RABGAP1L: variants seen among roughly 807,000 people sequenced by gnomAD.
RABGAP1L encodes the protein rab GTPase-activating protein 1-like.
A neutral mutation model predicts 137.7 loss-of-function variants in RABGAP1L; 63 were observed. The observed-to-expected ratio is 0.46, with a 90% CI of 0.37 to 0.56. RABGAP1L has a LOEUF of 0.56. Ranked by LOEUF, RABGAP1L falls within the 20% of genes least tolerant of loss-of-function variation. The pLI, the probability that RABGAP1L is intolerant of heterozygous loss-of-function variation, is 0.00. For missense variants in RABGAP1L, 1,095 were observed against 1,244.0 expected (o/e 0.88, Z 1.80); for synonymous variants, 431 against 433.7 (o/e 0.99, Z 0.08).
At chr1:174,483,758 T>C (rs1160999642) in intron 13 of RABGAP1L, among the ~76,000 whole-genome samples, 1 of 150,832 alleles carries the variant, frequency 6.6e-6, no homozygotes, top group Admixed American at 6.7e-5. Flanking sequence ...ATTCATAAGG[T>C]GGAGGTTCTA....
At chr1:174,985,325 T>G (rs545564623) in intron 24 of RABGAP1L, among the ~76,000 whole-genome samples, 3 of 152,312 alleles carry the variant, frequency 2.0e-5, no homozygotes, top group Admixed American at 2.0e-4. Context: ...CCCAGGAGGC[T>G]GAAGCTGCAG....
At chr1:174,958,316 T>G in intron 20 of RABGAP1L, 3 of 781,024 alleles carry the variant, frequency 3.8e-6, no homozygotes, top group Non-Finnish European at 5.3e-6. Context: ...TGTGAATCTC[T>G]TCAATGGTAA....
chr1:174,877,626 T>G (rs1558180250), intron 19 of RABGAP1L: 1 of 1,603,728 alleles, frequency 6.2e-7, no homozygotes, highest in Admixed American at 1.7e-5. Flanking sequence ...CCTTGCACAC[T>G]ACTCTGGTTC....
At chr1:174,168,916 T>C (rs1665126962) in intron 1 of RABGAP1L, among the ~76,000 whole-genome samples, 1 of 152,218 alleles carries the variant, frequency 6.6e-6, no homozygotes, top group Admixed American at 6.5e-5. Flanking sequence ...GATTCTTACA[T>C]GTATAGATGT....
chr1:174,495,006 C>G (rs1394950457), intron 13 of RABGAP1L, among the ~76,000 whole-genome samples: 1 of 152,058 alleles, frequency 6.6e-6, no homozygotes, highest in Non-Finnish European at 1.5e-5. Flanking sequence ...AGCATTGACC[C>G]CCTTATCAAT....
intron 13 of RABGAP1L, among the ~76,000 whole-genome samples, chr1:174,483,948 G>A (rs1179132659): frequency 6.6e-6 from 1 of 152,224 alleles, no homozygotes; most frequent in Middle Eastern, 3.4e-3. Flanking sequence ...GGATCATATG[G>A]TAGCTCTATT....
chr1:174,783,017 G>A (rs1687137268), intron 18 of RABGAP1L, among the ~76,000 whole-genome samples: 1 of 152,082 alleles, frequency 6.6e-6, no homozygotes, highest in Middle Eastern at 3.2e-3. Flanking sequence ...TCTTGCAACT[G>A]CACACTCTTT....
rs772022782 is a variant in RABGAP1L, at chr1:174,183,867, C to CTT, written c.-34+24225_-34+24226dup. ...AGAATATACAGCCCTTTCAGATTGG[C>CTT]TTTTTTTTTTTTTTTTGAGATGGAG... On this transcript the variant is annotated intron_variant, in intron 1 of 25. Transcript: ENST00000681986. Among the ~76,000 whole-genome samples the CTT allele has an allele frequency of 5.1e-4, 67 of 130,528 alleles. 8 individuals are homozygous for CTT. Among genetic ancestry groups the CTT allele is most frequent in the Non-Finnish European group, 7.9e-4 (49 of 61,966 alleles). The allele number at this position is 130,528 out of a possible 152,430, so 85.6% of individuals were successfully genotyped here.
intron 13 of RABGAP1L, among the ~76,000 whole-genome samples, chr1:174,419,346 G>A (rs1650986973): frequency 6.6e-6 from 1 of 152,138 alleles, no homozygotes; most frequent in African/African-American, 2.4e-5. Flanking sequence ...CTACTAGTTA[G>A]GGATCTCACT....
chr1:174,769,727 C>T (rs2148725194), intron 18 of RABGAP1L, among the ~76,000 whole-genome samples: 1 of 152,212 alleles, frequency 6.6e-6, no homozygotes, highest in South Asian at 2.1e-4. Context: ...GTGGTGGGCG[C>T]CTGTAGTCCC....
intron 13 of RABGAP1L, among the ~76,000 whole-genome samples, chr1:174,559,537 CT>C (rs1667078947): frequency 6.6e-6 from 1 of 152,122 alleles, no homozygotes; most frequent in Non-Finnish European, 1.5e-5. Context: ...GAAATATTAC[CT>C]TTTTAAAATA....
chr1:174,954,509 T>C (rs773013033), intron 19 of RABGAP1L, among the ~76,000 whole-genome samples: 4 of 152,174 alleles, frequency 2.6e-5, no homozygotes, highest in Non-Finnish European at 5.9e-5. Flanking sequence ...TAAAAGGACA[T>C]TTTTTTCTCT....
At chr1:174,636,736 T>C (rs1468626284) in intron 13 of RABGAP1L, among the ~76,000 whole-genome samples, 1 of 152,142 alleles carries the variant, frequency 6.6e-6, no homozygotes. Context: ...TCTACTATTG[T>C]TTGGAGTATG....
chr1:174,295,176 C>G (rs1209471221), intron 10 of RABGAP1L, among the ~76,000 whole-genome samples: 1 of 151,466 alleles, frequency 6.6e-6, no homozygotes, highest in Non-Finnish European at 1.5e-5. Context: ...CTTGGCCTCC[C>G]AAAATGCTGG....
At chr1:174,230,161 A>G (rs1167687412) in intron 3 of RABGAP1L, among the ~76,000 whole-genome samples, 1 of 149,790 alleles carries the variant, frequency 6.7e-6, no homozygotes, top group Non-Finnish European at 1.5e-5. Flanking sequence ...AAAACCAAAC[A>G]CCGCATGTTC....
rs372063558 is a variant in RABGAP1L, at chr1:174,555,551, T to C, written c.1711-81824T>C. Among the ~76,000 whole-genome samples the C allele has an allele frequency of 5.9e-5, 9 of 152,022 alleles. No individual in the cohort carries two copies. The South Asian group carries it at 1.7e-3, about 28-fold the overall frequency. ...GTATGTCCCCCCCCCAAAAAAAATG[T>C]ATGTTCCCTTTCTTTAATGTTTACT... On this transcript the variant is annotated intron_variant, in intron 13 of 25. Coordinates refer to ENST00000681986, the MANE Select transcript of RABGAP1L (RefSeq NM_001366446.1).
intron 19 of RABGAP1L, among the ~76,000 whole-genome samples, chr1:174,841,100 TAA>T (rs896965907): frequency 6.6e-6 from 1 of 152,102 alleles, no homozygotes; most frequent in African/African-American, 2.4e-5. Flanking sequence ...TCTTAGTTCA[TAA>T]GAGATCAAGT....
At chr1:174,386,905 T>G (rs567129316) in intron 12 of RABGAP1L, among the ~76,000 whole-genome samples, 1 of 152,144 alleles carries the variant, frequency 6.6e-6, no homozygotes, top group East Asian at 1.9e-4. Context: ...AAGCTTCTAG[T>G]CATGATTTTA....
intron 13 of RABGAP1L, among the ~76,000 whole-genome samples, chr1:174,465,948 C>A (rs1331579782): frequency 3.9e-5 from 6 of 152,186 alleles, no homozygotes; most frequent in African/African-American, 1.2e-4. Context: ...GAAGGAGACA[C>A]AAAAATTTAG....
Sources: gnomAD v4.1 joint callset for allele counts (sites outside exome capture counted in the v4.1 genomes callset) on GRCh38, gnomAD v4.1.1 for gene constraint, MANE v1.5 for transcripts, NCBI Gene and HGNC (gene_info 2026-07-23, HGNC 2026-07-21) for gene names.